Variants in PTPRN2 observed in about 807,000 individuals in gnomAD.
PTPRN2 encodes the protein receptor-type tyrosine-protein phosphatase N2.
In PTPRN2, 74 loss-of-function variants were observed where a neutral mutation model predicts 118.8. The ratio of observed to expected loss-of-function variants is 0.62; its 90% CI spans 0.52 to 0.76. PTPRN2 has a LOEUF of 0.76. PTPRN2 is among the 30% of genes least tolerant of loss of function. PTPRN2 has a pLI of 0.00. For missense variants in PTPRN2, 1,481 were observed against 1,394.4 expected, an observed-to-expected ratio of 1.06 and a Z score of -0.99; for synonymous variants, 641 against 608.0, an observed-to-expected ratio of 1.05 and a Z score of -0.80.
intron 21 of PTPRN2, among the ~76,000 whole-genome samples, chr7:157,552,669 G>A (rs1231218838): frequency 6.6e-6 from 1 of 152,218 alleles, no homozygotes; most frequent in Admixed American, 6.5e-5. Flanking sequence ...ATGTCTATTG[G>A]CTTTTAAGAA....
chr7:158,405,209 G>C (rs1253089869), intron 2 of PTPRN2, among the ~76,000 whole-genome samples: 1 of 152,128 alleles, frequency 6.6e-6, no homozygotes, highest in Non-Finnish European at 1.5e-5. Context: ...CATCCTCCCG[G>C]GGTGCCTGGG....
chr7:157,829,425 G>A lies in PTPRN2; in HGVS notation c.1788+69248C>T, dbSNP rs114931701. 3.8e-3 allele frequency among the ~76,000 whole-genome samples: 576 copies of A among 152,334 alleles called. 3 individuals carry two copies. Among genetic ancestry groups the A allele is most frequent in the African/African-American group, 0.012 (508 of 41,588 alleles). On this transcript the variant is annotated intron_variant, in intron 12 of 22. Transcript: ENST00000389418. ...CTCTTTTTGTGGGGTCACCCTGACC[G>A]TGAGGCCACAGATGCGGGCCCGTGT...
At chr7:158,261,806 C>A (rs542929070) in intron 3 of PTPRN2, among the ~76,000 whole-genome samples, 4 of 152,208 alleles carry the variant, frequency 2.6e-5, no homozygotes, top group Non-Finnish European at 2.9e-5. Flanking sequence ...CCAGGCACTA[C>A]GGACGATTTT....
intron 13 of PTPRN2, chr7:157,669,520 G>A (rs1209982553): frequency 1.0e-5 from 5 of 488,170 alleles, no homozygotes; most frequent in African/African-American, 2.0e-5. Context: ...CCTGACACAC[G>A]ACGACACCCA....
rs182194415 is a variant in PTPRN2, at chr7:158,375,890, T to C, written c.164-58958A>G. Among the ~76,000 whole-genome samples the C allele has an allele frequency of 7.2e-3, 1,097 of 152,152 alleles. 11 individuals carry two copies. The highest frequency in any genetic ancestry group is 0.025 in the African/African-American group (1,044 of 41,502). Reference sequence around the variant, plus strand: ...ACTCCATCCCCTCTCCAGCTCCCCATCCATCCCACTGAGAGCCACCTCCAT... The same window carrying C: ...ACTCCATCCCCTCTCCAGCTCCCCACCCATCCCACTGAGAGCCACCTCCAT... On this transcript the variant is annotated intron_variant, in intron 2 of 22. Coordinates refer to ENST00000389418, the MANE Select transcript of PTPRN2 (RefSeq NM_002847.5).
At chr7:158,348,267 G>A (rs1807667982) in intron 2 of PTPRN2, among the ~76,000 whole-genome samples, 1 of 151,638 alleles carries the variant, frequency 6.6e-6, no homozygotes, top group Admixed American at 6.6e-5. Flanking sequence ...GCCACCCTGG[G>A]TTCGCCATTC....
chr7:157,675,310 G>A (rs1796614251), intron 13 of PTPRN2, among the ~76,000 whole-genome samples: 1 of 152,280 alleles, frequency 6.6e-6, no homozygotes, highest in East Asian at 1.9e-4. Flanking sequence ...GAAGCCCCTT[G>A]GGCTGGGAGG....
intron 13 of PTPRN2, among the ~76,000 whole-genome samples, chr7:157,681,313 C>A (rs1053852239): frequency 1.2e-4 from 19 of 152,194 alleles, no homozygotes; most frequent in African/African-American, 4.1e-4. Flanking sequence ...TGGCATCCTA[C>A]ATTGAAGGTC....
At chr7:157,976,176 G>A (rs898450958) in intron 11 of PTPRN2, among the ~76,000 whole-genome samples, 1 of 152,364 alleles carries the variant, frequency 6.6e-6, no homozygotes, top group Admixed American at 6.5e-5. Flanking sequence ...CTTAGGGCTG[G>A]TTCCCATCGC....
intron 2 of PTPRN2, among the ~76,000 whole-genome samples, chr7:158,381,530 C>G (rs1311945490): frequency 1.3e-5 from 2 of 152,172 alleles, no homozygotes; most frequent in Non-Finnish European, 2.9e-5. Context: ...GCATTTTAGG[C>G]AAAGCCATTC....
intron 11 of PTPRN2, among the ~76,000 whole-genome samples, chr7:158,036,522 T>A (rs1808100222): frequency 6.6e-6 from 1 of 152,092 alleles, no homozygotes; most frequent in Non-Finnish European, 1.5e-5. Flanking sequence ...ATAAGGGAAT[T>A]CCATTTCTCA....
intron 11 of PTPRN2, among the ~76,000 whole-genome samples, chr7:158,061,836 C>T (rs564340605): frequency 6.6e-6 from 1 of 152,376 alleles, no homozygotes; most frequent in East Asian, 1.9e-4. Context: ...AGTGACAGGG[C>T]CCTTCGATCC....
At chr7:157,768,443 G>A (rs759339321) in intron 12 of PTPRN2, among the ~76,000 whole-genome samples, 1 of 152,134 alleles carries the variant, frequency 6.6e-6, no homozygotes, top group African/African-American at 2.4e-5. Context: ...GTGTGGCTCC[G>A]GGCCGGACGC....
rs142097955 is a variant in PTPRN2, at chr7:158,222,999, G to A, written c.278-17726C>T. ...CAATATAAGCAAAGAAACAGGGGAA[G>A]TCACTACAGACTCTGCAAACATCAA... is the stretch of plus-strand genomic sequence containing the variant. On this transcript the variant is annotated intron_variant, in intron 3 of 22. Transcript: ENST00000389418. Among the ~76,000 whole-genome samples, 57 of 152,152 alleles carry A rather than the reference G, an allele frequency of 3.7e-4. No individual in the cohort carries two copies. The Middle Eastern group carries it at 0.01, about 28-fold the overall frequency.
At chr7:158,412,632 C>G (rs35032766) in intron 2 of PTPRN2, among the ~76,000 whole-genome samples, 4 of 58,988 alleles carry the variant, frequency 6.8e-5, no homozygotes, top group African/African-American at 1.7e-4. Context: ...CCAGGGCCCA[C>G]CTCAGCACCC....
At position 158,506,424 on chromosome 7, in the gene PTPRN2, G is replaced by A. The variant is rs117855092; in HGVS notation, c.113-16639C>T. On this transcript the variant is annotated intron_variant, in intron 1 of 22. Coordinates refer to ENST00000389418, the MANE Select transcript of PTPRN2 (RefSeq NM_002847.5). ...ACTAAGTGACACCGGCCACACAGGTGTGGTGGCAATTGTGCAGAGCAAAGC... is the reference window on the plus strand; with the variant it reads ...ACTAAGTGACACCGGCCACACAGGTATGGTGGCAATTGTGCAGAGCAAAGC... 3.1e-3 allele frequency among the ~76,000 whole-genome samples: 470 copies of A among 152,284 alleles called. 2 individuals are homozygous for A. The highest frequency in any genetic ancestry group is 4.5e-3 in the Non-Finnish European group (307 of 68,022).
chr7:158,184,197 C>T (rs1004939935), intron 5 of PTPRN2, among the ~76,000 whole-genome samples: 1 of 151,648 alleles, frequency 6.6e-6, no homozygotes, highest in African/African-American at 2.4e-5. Flanking sequence ...ATATTGATAC[C>T]AATTTGGAGG....
intron 21 of PTPRN2, among the ~76,000 whole-genome samples, chr7:157,561,528 G>A (rs1307931592): frequency 6.6e-6 from 1 of 152,238 alleles, no homozygotes; most frequent in African/African-American, 2.4e-5. Flanking sequence ...CCTCCCTCTG[G>A]GGCCCTGAGC....
chr7:158,095,115 G>A (rs1055353565), intron 10 of PTPRN2, among the ~76,000 whole-genome samples: 3 of 151,948 alleles, frequency 2.0e-5, no homozygotes, highest in Non-Finnish European at 4.4e-5. Flanking sequence ...CCTGCAGGAG[G>A]TGAGTCCTGA....
Sources: gnomAD v4.1 joint callset for allele counts (sites outside exome capture counted in the v4.1 genomes callset) on GRCh38, gnomAD v4.1.1 for gene constraint, MANE v1.5 for transcripts, NCBI Gene and HGNC (gene_info 2026-07-23, HGNC 2026-07-21) for gene names.